MAP2K2: variants seen among roughly 807,000 people sequenced by gnomAD.
MAP2K2 encodes the protein mitogen-activated protein kinase kinase 2, also known as dual specificity mitogen-activated protein kinase kinase 2.
In MAP2K2, 24 loss-of-function variants were observed where a neutral mutation model predicts 43.7. That is an observed-to-expected ratio of 0.55 (90% CI 0.40 to 0.77). The LOEUF (loss-of-function observed/expected upper bound fraction) is 0.77, where lower values mean the gene tolerates loss of function less well. MAP2K2 is among the 30% of genes least tolerant of loss of function. MAP2K2 has a pLI of 0.00. For synonymous variants in MAP2K2, 244 were observed against 239.7 expected (o/e 1.02, Z -0.17); for missense variants, 470 against 566.8 (o/e 0.83, Z 1.73).
intron 10 of MAP2K2, among the ~76,000 whole-genome samples, chr19:4,091,830 G>A (rs964351181): frequency 6.6e-6 from 1 of 151,952 alleles, no homozygotes; most frequent in African/African-American, 2.4e-5. Context: ...TGTATTTTTA[G>A]TTGAGACCGG....
Position 4,101,242 on chromosome 19 carries a change from C to T in MAP2K2, c.567G>A (p.Gln189=), listed in dbSNP as rs770841615. The T allele has an allele frequency of 3.1e-6, 5 of 1,588,914 alleles. No homozygotes were observed. In the African/African-American group the frequency reaches 6.7e-5, roughly 21 times the overall value. ...GCTGGGCCTTACCTCGGTGCATGAT[C>T]TGGTGCTTCTCTCGGAGGTACGCCA... ...RGLAYLREKH[Q]IMHRDVKPSN... The change falls in exon 5 of 11, where the codon CAG becomes CAA. Residue 189 remains glutamine (Q), a synonymous_variant. Coordinates refer to ENST00000262948, the MANE Select transcript of MAP2K2 (RefSeq NM_030662.4). This position sits in a 1 kb window ranked among gnomAD's most constrained non-coding sequence, Gnocchi z 6.3.
Position 4,098,813 on chromosome 19 carries a change from C to T in MAP2K2, c.919+388G>A, listed in dbSNP as rs755093194. ...TCAGGACTCCCTGGAAGGCTTGGCC[C>T]GCAGCACAGGAGCGTGTCACCTGCA... On this transcript the variant is annotated intron_variant, in intron 7 of 10. Coordinates refer to ENST00000262948, the MANE Select transcript of MAP2K2 (RefSeq NM_030662.4). 5.3e-5 allele frequency among the ~76,000 whole-genome samples: 8 copies of T among 152,274 alleles called. No homozygotes were observed. In the South Asian group the frequency reaches 6.2e-4, roughly 12 times the overall value.
intron 3 of MAP2K2, among the ~76,000 whole-genome samples, chr19:4,109,609 AATTTT>A (rs1218498669): frequency 6.6e-6 from 1 of 152,060 alleles, no homozygotes; most frequent in African/African-American, 2.4e-5. Flanking sequence ...TGTTGTTAAC[AATTTT>A]AAAACAGGCA....
chr19:4,103,015 C>A (rs1051530275), intron 3 of MAP2K2: 2 of 1,057,412 alleles, frequency 1.9e-6, no homozygotes, highest in African/African-American at 3.4e-5. Context: ...CCAAGCCCTG[C>A]GGCTCCACTG....
At chr19:4,116,667 T>A (rs1198637476) in intron 2 of MAP2K2, among the ~76,000 whole-genome samples, 2 of 152,064 alleles carry the variant, frequency 1.3e-5, no homozygotes, top group Non-Finnish European at 2.9e-5. Context: ...GCTGAGCTGC[T>A]GTCTGTTTAT....
rs374693439 is a variant in MAP2K2 at position 4,101,318 on chromosome 19, A to G, written c.529-38T>C. 2.3e-5 allele frequency: 36 copies of G among 1,560,028 alleles called. No homozygotes were observed. The highest frequency in any genetic ancestry group is 3.0e-5 in the Non-Finnish European group (34 of 1,152,104). ...GCGGAGGGAGTCACGGGACAAGGCCACCAGGGCTTAGCTCCTGACCGAGCC... is the reference window on the plus strand; with the variant it reads ...GCGGAGGGAGTCACGGGACAAGGCCGCCAGGGCTTAGCTCCTGACCGAGCC... On this transcript the variant is annotated intron_variant, in intron 4 of 10. Transcript: ENST00000262948. The surrounding 1 kb of genome is among the most constrained non-coding windows in gnomAD (Gnocchi z 6.3).
intron 2 of MAP2K2, 121 bp from the exon 3 acceptor site, chr19:4,110,776 G>C: frequency 9.8e-7 from 1 of 1,021,188 alleles, no homozygotes; most frequent in South Asian, 1.5e-5. Context: ...TACCCCCTCC[G>C]CAATTCCACC....
chr19:4,115,844 C>T lies in MAP2K2; in HGVS notation c.303+1575G>A, dbSNP rs538772027. Among the ~76,000 whole-genome samples the T allele has an allele frequency of 7.9e-5, 12 of 152,324 alleles. No homozygotes were observed. Among genetic ancestry groups the T allele is most frequent in the African/African-American group, 2.9e-4 (12 of 41,572 alleles). On this transcript the variant is annotated intron_variant, in intron 2 of 10. Coordinates refer to ENST00000262948, the MANE Select transcript of MAP2K2 (RefSeq NM_030662.4). This position sits in a 1 kb window ranked among gnomAD's most constrained non-coding sequence, Gnocchi z 4.1. The stretch of plus-strand genomic sequence containing the variant: ...AGGCAGCGTTCTAGGTCTGAAAGAA[C>T]ACCGGTGAGGAGCTGAACACCCTGT...
intron 9 of MAP2K2, chr19:4,094,802 A>C: frequency 1.5e-5 from 7 of 463,508 alleles, no homozygotes; most frequent in East Asian, 7.3e-5. Flanking sequence ...TGTCTAATAA[A>C]ACCCCAGGCC....
At chr19:4,095,104 A>G in intron 9 of MAP2K2, 1 of 425,474 alleles carries the variant, frequency 2.4e-6, no homozygotes, top group Non-Finnish European at 4.3e-6. Flanking sequence ...GGGACCAGAC[A>G]GAGGCTTCTC....
chr19:4,117,668 G>C (rs972210835), intron 1 of MAP2K2, 39 bp from the exon 2 acceptor site: 1 of 1,594,782 alleles, frequency 6.3e-7, no homozygotes, highest in Non-Finnish European at 8.6e-7. Context: ...GCTACCTAGG[G>C]AGACTCCATC....
intron 1 of MAP2K2, among the ~76,000 whole-genome samples, chr19:4,118,737 G>T (rs919345869): frequency 6.6e-6 from 1 of 152,130 alleles, no homozygotes; most frequent in Non-Finnish European, 1.5e-5. Context: ...AGCCATGATC[G>T]TGACAATGTA....
intron 3 of MAP2K2, among the ~76,000 whole-genome samples, chr19:4,104,265 T>TAA (rs565822542): frequency 0.018 from 1,721 of 97,292 alleles, 65 homozygotes; most frequent in African/African-American, 0.063. Flanking sequence ...ACTCCTCAAT[T>TAA]AAAAAAAAAA....
In MAP2K2 at chr19:4,094,460, A is replaced by G. The variant is rs730880513; in HGVS notation, c.1085T>C (p.Met362Thr). Residue 362 changes from methionine (M) to threonine (T), a missense_variant, in exon 10 of 11, where the codon ATG becomes ACG. By Grantham distance (81) the Met-to-Thr change is moderately conservative. Transcript: ENST00000262948. ...KNPAERADLK[M>T]LTNHTFIKRS... is the part of the protein sequence containing the mutation. ...CCCGCTGGCATCACTCACTGTGAGC[A>G]TCTTCAGGTCCGCCCGCTCCGCTGG... 13 of 1,565,224 alleles carry G rather than the reference A, an allele frequency of 8.3e-6. No homozygotes were observed. In the Admixed American group the frequency reaches 2.3e-4, roughly 28 times the overall value.
chr19:4,105,393 T>A (rs942465493), intron 3 of MAP2K2, among the ~76,000 whole-genome samples: 1 of 151,760 alleles, frequency 6.6e-6, no homozygotes, highest in Non-Finnish European at 1.5e-5. Context: ...CTCAGCCTCC[T>A]GAGTAGCTGG....
chr19:4,117,374 A>G (rs1599306979), intron 2 of MAP2K2, 45 bp downstream of exon 2: 1 of 1,568,748 alleles, frequency 6.4e-7, no homozygotes. Context: ...TTCCAGGGGG[A>G]CCTTCCCCAC....
intron 10 of MAP2K2, 72 bp from the exon 11 acceptor site, chr19:4,090,780 C>T: frequency 1.0e-6 from 1 of 993,612 alleles, no homozygotes; most frequent in Non-Finnish European, 1.6e-6. Context: ...AGCGTCTGCC[C>T]AGCCCTGGCA....
rs350891 is a variant in MAP2K2, at chr19:4,117,292, T to C, written c.303+127A>G. On this transcript the variant is annotated intron_variant, in intron 2 of 10. Coordinates refer to ENST00000262948, the MANE Select transcript of MAP2K2 (RefSeq NM_030662.4). ...CTTTCTCAGGACCTAGAGTCCCTGG[T>C]GGGGATGAGGGACAGAGCCTGGAGC... 703,233 of 907,438 alleles carry C rather than the reference T, an allele frequency of 0.77. 273,313 individuals are homozygous for C. Among genetic ancestry groups the C allele is most frequent in the East Asian group, 0.89 (33,946 of 37,994 alleles). 56.2% of individuals were successfully genotyped at this position (907,438 alleles called of 1,614,324 possible).
intron 8 of MAP2K2, 85 bp from the exon 9 acceptor site, chr19:4,095,534 G>T: frequency 8.5e-7 from 1 of 1,174,672 alleles, no homozygotes; most frequent in Non-Finnish European, 1.2e-6. Context: ...TCACTGTCCT[G>T]TCCGGTCACC....
Sources: gnomAD v4.1 joint callset for allele counts (sites outside exome capture counted in the v4.1 genomes callset) on GRCh38, gnomAD v4.1.1 for gene constraint, Gnocchi (gnomAD v3.1) non-coding constraint, MANE v1.5 for transcripts, NCBI Gene and HGNC (gene_info 2026-07-23, HGNC 2026-07-21) for gene names.